E4F1: variants seen among roughly 807,000 people sequenced by gnomAD.
E4F1 encodes the protein transcription factor E4F1.
A neutral mutation model predicts 72.9 loss-of-function variants in E4F1; 30 were observed. The observed-to-expected ratio is 0.41, with a 90% CI of 0.31 to 0.56. The LOEUF (loss-of-function observed/expected upper bound fraction) is 0.56, where lower values mean the gene tolerates loss of function less well. E4F1 is among the 20% of genes least tolerant of loss of function. E4F1 has a pLI of 0.25. For synonymous variants in E4F1, 542 were observed against 478.2 expected, an observed-to-expected ratio of 1.13 and a Z score of -1.74; for missense variants, 1,091 against 1,117.5, an observed-to-expected ratio of 0.98 and a Z score of 0.34.
At position 2,234,627 on chromosome 16, in the gene E4F1, G is replaced by A. The variant is rs750073803; in HGVS notation, c.1638G>A (p.Pro546=). Residue 546 remains proline (P), a synonymous_variant, in exon 11 of 14, where the codon CCG becomes CCA. Coordinates refer to ENST00000301727, the MANE Select transcript of E4F1 (RefSeq NM_004424.5). ...TCAGGACACACCTGGAGGAGAAGCC[G>A]CACGTGTGCCAGTTCTGCAGCCGTG... The part of the protein sequence containing the change: ...VHFRTHLEEK[P]HVCQFCSRGF... The A allele has an allele frequency of 6.2e-6, 10 of 1,600,906 alleles. No homozygotes were observed. Among genetic ancestry groups the A allele is most frequent in the Middle Eastern group, 1.8e-4 (1 of 5,442 alleles).
chr16:2,223,842 G>C, intron 1 of E4F1, 72 bp downstream of exon 1: 2 of 1,531,150 alleles, frequency 1.3e-6, no homozygotes, highest in Non-Finnish European at 1.7e-6. Flanking sequence ...GGCCCGGATG[G>C]CCCGAGCTGC....
chr16:2,224,783 A>C (rs2093421597), intron 1 of E4F1, among the ~76,000 whole-genome samples: 1 of 152,080 alleles, frequency 6.6e-6, no homozygotes, highest in Non-Finnish European at 1.5e-5. Flanking sequence ...ACTCCGTCTC[A>C]AAAGAAAAGA....
At chr16:2,234,094 G>C in intron 9 of E4F1, 77 bp from the exon 10 acceptor site, 1 of 1,569,088 alleles carries the variant, frequency 6.4e-7, no homozygotes, top group Non-Finnish European at 8.7e-7. Flanking sequence ...GGGAGCCAGG[G>C]GATCTGTGGG....
intron 2 of E4F1, 94 bp downstream of exon 2, chr16:2,228,617 C>T (rs900770308): frequency 1.8e-5 from 26 of 1,469,322 alleles, no homozygotes; most frequent in Admixed American, 6.2e-5. Flanking sequence ...CAGCCGGTTC[C>T]GGGGGCCACG....
At position 2,235,251 on chromosome 16, in the gene E4F1, C is replaced by A; in HGVS notation, c.2034C>A (p.Ile678=). The A allele has an allele frequency of 1.2e-6, 2 of 1,610,550 alleles. No homozygotes were observed. The highest frequency in any genetic ancestry group is 1.7e-6 in the Non-Finnish European group (2 of 1,179,422). ...DSHIMKVVQQ[I]VHQASAGHQI... is the part of the protein sequence containing the mutation. ...ACATCATGAAGGTGGTGCAGCAGAT[C>A]GTGCACCAGGCTAGCGCCGGCCACC... Residue 678 remains isoleucine, a synonymous_variant, in exon 14 of 14, where the codon ATC becomes ATA. Coordinates refer to ENST00000301727, the MANE Select transcript of E4F1 (RefSeq NM_004424.5).
At chr16:2,229,795 G>A (rs1279222337) in intron 3 of E4F1, 120 bp downstream of exon 3, 15 of 1,087,792 alleles carry the variant, frequency 1.4e-5, no homozygotes, top group Non-Finnish European at 1.9e-5. Context: ...GGGAGGGGCC[G>A]CGGCCTCGTG....
Position 2,234,794 on chromosome 16 carries a change from G to A in E4F1, c.1792+13G>A. ...CTGCGCACCAAAGGTCTGGGCCGGT[G>A]GAGGTGGGAGGGGGAGGGGAGGGGG... On this transcript the variant is annotated intron_variant, in intron 11 of 13. Coordinates refer to ENST00000301727, the MANE Select transcript of E4F1 (RefSeq NM_004424.5). 5 of 1,544,850 alleles carry A rather than the reference G, an allele frequency of 3.2e-6. No homozygotes were observed. Among genetic ancestry groups the A allele is most frequent in the Non-Finnish European group, 4.4e-6 (5 of 1,144,348 alleles).
rs531154006 is a variant in E4F1 at position 2,228,474 on chromosome 16, C to T, written c.260C>T (p.Pro87Leu). ...CAGAAGGCCTGCCAGCGGGCCCCTC[C>T]GGAGGCCCTGCCTGCCACCCCTGCC... ...KIQKACQRAP[P>L]EALPATPATT... Residue 87 changes from proline to leucine, a missense_variant, in exon 2 of 14, where the codon CCG becomes CTG. Physicochemically the swap from Pro to Leu is moderately conservative, Grantham distance 98. Transcript: ENST00000301727. 3.0e-5 allele frequency: 49 copies of T among 1,613,070 alleles called. No individual in the cohort carries two copies. Among genetic ancestry groups the T allele is most frequent in the South Asian group, 2.4e-4 (22 of 91,086 alleles).
In E4F1 at chr16:2,229,662, A is replaced by G. The variant is rs769346974; in HGVS notation, c.402A>G (p.Ala134=). ...CTCTGGCAGCAGACATCAGCCACGC[A>G]TCTGACCTTGTTGGTAAGCCGACTT... ...AASLAADISH[A]SDLVGGGHIK... The change falls in exon 3 of 14, where the codon GCA becomes GCG. Residue 134 remains alanine (A), a synonymous_variant. Transcript: ENST00000301727. 3 of 1,612,972 alleles carry G rather than the reference A, an allele frequency of 1.9e-6. No homozygotes were observed. The highest frequency in any genetic ancestry group is 4.5e-5 in the East Asian group (2 of 44,886).
At position 2,233,107 on chromosome 16, in the gene E4F1, C is replaced by T. The variant is rs1455892181; in HGVS notation, c.980C>T (p.Ala327Val). ...CCCGTGATTCACCTGGTGACAGATG[C>T]CAAGGGCACCGTCATCCACGAAGTC... ...TSPVIHLVTD[A>V]KGTVIHEVHV... The change falls in exon 7 of 14, where the codon GCC becomes GTC. Residue 327 changes from alanine to valine, a missense_variant. Coordinates refer to ENST00000301727, the MANE Select transcript of E4F1 (RefSeq NM_004424.5). The T allele has an allele frequency of 1.9e-6, 3 of 1,612,598 alleles. No individual in the cohort carries two copies. The highest frequency in any genetic ancestry group is 2.5e-6 in the Non-Finnish European group (3 of 1,179,488).
At chr16:2,228,283 C>A (rs1179538318) in intron 1 of E4F1, 89 bp from the exon 2 acceptor site, 1 of 1,549,180 alleles carries the variant, frequency 6.5e-7, no homozygotes, top group Non-Finnish European at 8.8e-7. Flanking sequence ...CTGGGGGAAT[C>A]TGTTCTAGGG....
At position 2,235,090 on chromosome 16, in the gene E4F1, G is replaced by A; in HGVS notation, c.1945G>A (p.Asp649Asn). The change falls in exon 13 of 14, where the codon GAC becomes AAC. Residue 649 changes from aspartate (D) to asparagine (N), a missense_variant. Physicochemically the swap from Asp to Asn is conservative, Grantham distance 23 (BLOSUM62 1). Around this residue, in one of 5 missense-constraint regions of E4F1, gnomAD observed 622 missense variants for 628.0 expected, o/e 0.99. Coordinates refer to ENST00000301727, the MANE Select transcript of E4F1 (RefSeq NM_004424.5). ...TQEYIIEATA[D>N]DAETSEATEI... ...CTGCCCATCTGCCCAGGCCACTGCG[G>A]ACGATGCGGAGACCAGTGAGGCCAC... is the stretch of plus-strand genomic sequence containing the variant. The A allele has an allele frequency of 6.2e-7, 1 of 1,612,542 alleles. No individual in the cohort carries two copies. Among genetic ancestry groups the A allele is most frequent in the Admixed American group, 1.7e-5 (1 of 60,024 alleles).
At position 2,232,848 on chromosome 16, in the gene E4F1, G is replaced by C; in HGVS notation, c.823G>C (p.Glu275Gln). The change falls in exon 6 of 14, where the codon GAG (glutamate) becomes CAG (glutamine). Residue 275 changes from glutamate (E) to glutamine (Q), a missense_variant. This residue lies in a region of E4F1 where 101 missense variants were observed against 97.4 expected (regional missense o/e 1.04). Transcript: ENST00000301727. ...CCTCAAGTCTCTCACCCCCTGCACA[G>C]AGAAAATCCGCTTCAGTGTGAGCAA... is the stretch of plus-strand genomic sequence containing the variant. ...RHLKSLTPCT[E>Q]KIRFSVSKDV... 1 of 1,613,514 alleles carries C rather than the reference G, an allele frequency of 6.2e-7. No individual in the cohort carries two copies. Among genetic ancestry groups the C allele is most frequent in the Non-Finnish European group, 8.5e-7 (1 of 1,180,014 alleles).
At chr16:2,228,911 C>G (rs1013642622) in intron 2 of E4F1, among the ~76,000 whole-genome samples, 2 of 152,222 alleles carry the variant, frequency 1.3e-5, no homozygotes, top group Non-Finnish European at 2.9e-5. Context: ...TGGGGGGTCC[C>G]GCCATCTCAT....
At chr16:2,225,865 AC>A (rs1462538912) in intron 1 of E4F1, among the ~76,000 whole-genome samples, 3 of 150,734 alleles carry the variant, frequency 2.0e-5, no homozygotes, top group African/African-American at 7.3e-5. Context: ...GGAGGCTGAG[AC>A]GGGCGGATCC....
At position 2,233,955 on chromosome 16, in the gene E4F1, C is replaced by T. The variant is rs1450503300; in HGVS notation, c.1340C>T (p.Ala447Val). Reference sequence around the variant, plus strand: ...CAGTGCAGTGAGACCTTCCCGACAGCAGCCACCCTGGAGGCCCACAAGAGG... The same window carrying T: ...CAGTGCAGTGAGACCTTCCCGACAGTAGCCACCCTGGAGGCCCACAAGAGG... ...CPQCSETFPT[A>V]ATLEAHKRGH... Residue 447 changes from alanine (A) to valine (V), a missense_variant, in exon 9 of 14, where the codon GCA (alanine) becomes GTA (valine). Coordinates refer to ENST00000301727, the MANE Select transcript of E4F1 (RefSeq NM_004424.5). The T allele has an allele frequency of 3.1e-6, 5 of 1,600,668 alleles. No individual in the cohort carries two copies. Among genetic ancestry groups the T allele is most frequent in the Non-Finnish European group, 4.3e-6 (5 of 1,174,012 alleles).
chr16:2,233,367 C>T (rs945014943), intron 7 of E4F1, 71 bp from the exon 8 acceptor site: 113 of 1,440,806 alleles, frequency 7.8e-5, no homozygotes, highest in Non-Finnish European at 9.3e-5. Flanking sequence ...TCCTGGCGTG[C>T]GTCTGCCCCA....
At position 2,232,340 on chromosome 16, in the gene E4F1, G is replaced by T; in HGVS notation, c.585G>T (p.Ala195=). ...LVNKDGRYVC[A]LCHKTFKTGS... ...ACAAGGATGGCCGCTATGTGTGTGC[G>T]CTGTGCCACAAGACCTTCAAGACGG... The change falls in exon 4 of 14, where the codon GCG becomes GCT. Residue 195 remains alanine (A), a synonymous_variant. Coordinates refer to ENST00000301727, the MANE Select transcript of E4F1 (RefSeq NM_004424.5). 1 of 1,605,454 alleles carries T rather than the reference G, an allele frequency of 6.2e-7. No homozygotes were observed. The highest frequency in any genetic ancestry group is 8.5e-7 in the Non-Finnish European group (1 of 1,175,242).
Position 2,233,964 on chromosome 16 carries a change from T to G in E4F1, c.1349T>G (p.Leu450Arg), listed in dbSNP as rs780085308. The change falls in exon 9 of 14, where the codon CTG becomes CGG. Residue 450 changes from leucine to arginine, a missense_variant. Around this residue, in one of 5 missense-constraint regions of E4F1, gnomAD observed 622 missense variants for 628.0 expected, o/e 0.99. Transcript: ENST00000301727. ...GAGACCTTCCCGACAGCAGCCACCC[T>G]GGAGGCCCACAAGAGGGGCCACACC... ...CSETFPTAAT[L>R]EAHKRGHTGP... 1.3e-6 allele frequency: 2 copies of G among 1,598,232 alleles called. No individual in the cohort carries two copies. Among genetic ancestry groups the G allele is most frequent in the Non-Finnish European group, 1.7e-6 (2 of 1,172,720 alleles).
Sources: gnomAD v4.1 joint callset for allele counts (sites outside exome capture counted in the v4.1 genomes callset) on GRCh38, gnomAD v4.1.1 for gene constraint, gnomAD v4.1.1 regional missense constraint, MANE v1.5 for transcripts, NCBI Gene and HGNC (gene_info 2026-07-23, HGNC 2026-07-21) for gene names.